PCDHGB2: variants seen among roughly 807,000 people sequenced by gnomAD.
PCDHGB2 encodes protocadherin gamma-B2.
Under a neutral mutation model 59.3 loss-of-function variants are expected in PCDHGB2, and 55 were observed. The observed-to-expected ratio is 0.93, with a 90% CI of 0.75 to 1.16. The LOEUF is 1.16. PCDHGB2 is among the 50% of genes most tolerant of loss of function. The pLI, the probability that PCDHGB2 is intolerant of heterozygous loss-of-function variation, is 0.00. For synonymous variants in PCDHGB2, 516 were observed against 512.0 expected, an observed-to-expected ratio of 1.01 and a Z score of -0.11; for missense variants, 1,228 against 1,198.5, an observed-to-expected ratio of 1.02 and a Z score of -0.36.
chr5:141,504,583 A>C (rs1230825472), intron 2 of PCDHGB2, among the ~76,000 whole-genome samples: 5 of 146,622 alleles, frequency 3.4e-5, no homozygotes, highest in Non-Finnish European at 7.4e-5. Context: ...CCATCTGCCC[A>C]GGATTCACAG....
intron 1 of PCDHGB2, chr5:141,413,663 A>T: frequency 6.2e-7 from 1 of 1,613,844 alleles, no homozygotes; most frequent in Non-Finnish European, 8.5e-7. Flanking sequence ...GAAGCTATTG[A>T]TCCGGATGTG....
At chr5:141,465,338 G>C (rs908157154) in intron 1 of PCDHGB2, among the ~76,000 whole-genome samples, 6 of 151,962 alleles carry the variant, frequency 3.9e-5, no homozygotes, top group Admixed American at 2.6e-4. Context: ...TTTTATATTG[G>C]TTACTGAAGA....
At chr5:141,375,833 C>T (rs1269856662) in intron 1 of PCDHGB2, 2 of 1,614,034 alleles carry the variant, frequency 1.2e-6, no homozygotes, top group Non-Finnish European at 1.7e-6. Flanking sequence ...CTCCGCAGAG[C>T]CCGGCTACCT....
In PCDHGB2 at chr5:141,419,638, C is replaced by T. The variant is rs191182165; in HGVS notation, c.2421+57082C>T. On this transcript the variant is annotated intron_variant, in intron 1 of 3. Coordinates refer to ENST00000522605, the MANE Select transcript of PCDHGB2 (RefSeq NM_018923.3). Reference sequence around the variant, plus strand: ...GCTACCTGGTGACCAAGGTGGTGGCCGTGGACGCGGACTCGGGGCACAATG... The same window carrying T: ...GCTACCTGGTGACCAAGGTGGTGGCTGTGGACGCGGACTCGGGGCACAATG... The T allele has an allele frequency of 4.9e-3, 7,979 of 1,612,456 alleles. 44 individuals are homozygous for T. Among genetic ancestry groups the T allele is most frequent in the Admixed American group, 9.5e-3 (568 of 60,000 alleles).
intron 1 of PCDHGB2, chr5:141,404,648 G>A (rs1178706213): frequency 6.2e-7 from 1 of 1,614,030 alleles, no homozygotes; most frequent in Non-Finnish European, 8.5e-7. Context: ...CCTGTACCCT[G>A]CCCTCCCCAC....
At chr5:141,371,242 A>T in intron 1 of PCDHGB2, 1 of 1,614,034 alleles carries the variant, frequency 6.2e-7, no homozygotes, top group South Asian at 1.1e-5. Context: ...GCCTTCATCA[A>T]TATTGGCAAG....
In PCDHGB2 at chr5:141,491,561, A is replaced by G. The variant is rs1289732955; in HGVS notation, c.2422-3246A>G. ...CCCACAGACTCGCAGAGCCACTGCT[A>G]CAGGACGTGCTTTTCACCGGCCTCG... On this transcript the variant is annotated intron_variant, in intron 1 of 3. Transcript: ENST00000522605. The surrounding 1 kb of genome is among the most constrained non-coding windows in gnomAD (Gnocchi z 6.9). The G allele has an allele frequency of 6.2e-7, 1 of 1,613,938 alleles. No homozygotes were observed. Among genetic ancestry groups the G allele is most frequent in the Non-Finnish European group, 8.5e-7 (1 of 1,180,018 alleles).
chr5:141,456,308 T>C (rs2098849199), intron 1 of PCDHGB2, among the ~76,000 whole-genome samples: 1 of 152,156 alleles, frequency 6.6e-6, no homozygotes, highest in Non-Finnish European at 1.5e-5. Context: ...GAACAGCAGC[T>C]AGGGCTCCTC....
intron 1 of PCDHGB2, chr5:141,384,561 C>A (rs778010622): frequency 3.1e-6 from 5 of 1,614,254 alleles, no homozygotes; most frequent in South Asian, 1.1e-5. Context: ...TCGTGCTGGA[C>A]CAGAATGACA....
Position 141,450,830 on chromosome 5 carries a change from T to TTA in PCDHGB2, c.2422-43976_2422-43975insAT, listed in dbSNP as rs200967731. 4.3e-3 allele frequency among the ~76,000 whole-genome samples: 438 copies of TTA among 101,540 alleles called. 3 individuals carry two copies. Among genetic ancestry groups the TTA allele is most frequent in the African/African-American group, 0.015 (349 of 23,046 alleles). 66.6% of individuals were successfully genotyped at this position (101,540 alleles called of 152,430 possible). ...TATTTATTTAATATTATTATTATTA[T>TTA]TTTTTTTTTTTTGAGATGGGGTCTT... On this transcript the variant is annotated intron_variant, in intron 1 of 3. Transcript: ENST00000522605.
intron 1 of PCDHGB2, chr5:141,422,941 G>A (rs777535652): frequency 9.9e-6 from 16 of 1,614,218 alleles, no homozygotes; most frequent in East Asian, 4.5e-5. Context: ...CCCCACAGAC[G>A]GCTCCACTGG....
rs768847018 is a variant in PCDHGB2 at position 141,431,426 on chromosome 5, A to C, written c.2422-63381A>C. On this transcript the variant is annotated intron_variant, in intron 1 of 3. Transcript: ENST00000522605. The surrounding 1 kb of genome is among the most constrained non-coding windows in gnomAD (Gnocchi z 4.8). ...CTCCGACGGGGGCGACCCGGTGCGCACAGGCACCGCGCGCATCCGCGTGAT... is the reference window on the plus strand; with the variant it reads ...CTCCGACGGGGGCGACCCGGTGCGCCCAGGCACCGCGCGCATCCGCGTGAT... 6.2e-7 allele frequency: 1 copy of C among 1,613,666 alleles called. No individual in the cohort carries two copies. The highest frequency in any genetic ancestry group is 1.1e-5 in the South Asian group (1 of 91,078).
chr5:141,399,797 G>A (rs760211919), intron 1 of PCDHGB2: 1 of 1,613,192 alleles, frequency 6.2e-7, no homozygotes, highest in Non-Finnish European at 8.5e-7. Context: ...AACGCACCGC[G>A]GGTGCTGTAC....
rs1461837957 is a variant in PCDHGB2, at chr5:141,432,613, G to C, written c.2422-62194G>C. The C allele has an allele frequency of 6.2e-7, 1 of 1,613,946 alleles. No homozygotes were observed. The highest frequency in any genetic ancestry group is 1.3e-5 in the African/African-American group (1 of 75,056). On this transcript the variant is annotated intron_variant, in intron 1 of 3. Coordinates refer to ENST00000522605, the MANE Select transcript of PCDHGB2 (RefSeq NM_018923.3). The surrounding 1 kb of genome is among the most constrained non-coding windows in gnomAD (Gnocchi z 6.0). ...AGGCCAGCGAGCCGGGACTCTTCTC[G>C]GTGGGTCTGCACACGGGCGAGGTGC...
At chr5:141,478,808 T>C in intron 1 of PCDHGB2, 1 of 1,459,124 alleles carries the variant, frequency 6.9e-7, no homozygotes, top group African/African-American at 1.4e-5. Flanking sequence ...TCTTTTGCTA[T>C]CACAACTAAC....
At chr5:141,369,614 A>G (rs1334946148) in intron 1 of PCDHGB2, among the ~76,000 whole-genome samples, 2 of 152,240 alleles carry the variant, frequency 1.3e-5, no homozygotes, top group East Asian at 3.8e-4. Context: ...AAGGTCAATC[A>G]TTTCCTCATT....
At chr5:141,464,408 T>C (rs2154568477) in intron 1 of PCDHGB2, among the ~76,000 whole-genome samples, 1 of 151,718 alleles carries the variant, frequency 6.6e-6, no homozygotes, top group African/African-American at 2.4e-5. Flanking sequence ...CTGAGATATA[T>C]ATATATCTAT....
At chr5:141,401,566 C>G (rs2094168998) in intron 1 of PCDHGB2, among the ~76,000 whole-genome samples, 1 of 152,312 alleles carries the variant, frequency 6.6e-6, no homozygotes, top group African/African-American at 2.4e-5. Context: ...CTGAATTTCT[C>G]TTGCTCGGAA....
At chr5:141,427,870 C>T (rs773176633) in intron 1 of PCDHGB2, 86 of 1,558,630 alleles carry the variant, frequency 5.5e-5, no homozygotes, top group Non-Finnish European at 4.8e-5. Context: ...TTCGAGCTCA[C>T]GATGCAGGCC....
Sources: allele counts gnomAD v4.1 joint callset (sites outside exome capture counted in the v4.1 genomes callset), GRCh38; gene constraint gnomAD v4.1.1; non-coding constraint Gnocchi (gnomAD v3.1); transcripts MANE v1.5; gene names NCBI Gene and HGNC (gene_info 2026-07-23, HGNC 2026-07-21).